The following TMEM156 variants were observed in gnomAD, a reference collection of about 807,000 sequenced individuals.
TMEM156 encodes the protein transmembrane protein 156.
TMEM156 carries 28 observed loss-of-function variants against 30.5 expected under a neutral mutation model. The ratio of observed to expected loss-of-function variants is 0.92; its 90% CI spans 0.68 to 1.26. The LOEUF is 1.26. Among genes scored for constraint, TMEM156 ranks in the 50% most tolerant of loss-of-function variants. TMEM156 has a pLI of 0.00. For missense variants in TMEM156, 351 were observed against 340.6 expected (o/e 1.03, Z -0.24); for synonymous variants, 137 against 119.9 (o/e 1.14, Z -0.93).
intron 4 of TMEM156, among the ~76,000 whole-genome samples, chr4:38,987,551 C>T (rs1712091755): frequency 1.3e-5 from 2 of 152,190 alleles, no homozygotes; most frequent in South Asian, 2.1e-4. Flanking sequence ...TGGAGGCAAC[C>T]ACTTGTTCTG....
At chr4:38,975,376 TTTCTTTTC>T (rs1204985331) in intron 5 of TMEM156, among the ~76,000 whole-genome samples, 4 of 130,076 alleles carry the variant, frequency 3.1e-5, no homozygotes, top group African/African-American at 6.6e-5. Flanking sequence ...TCTTTTCTTT[TTTCTTTTC>T]TTTTTTTTTT....
At chr4:39,000,692 G>A (rs576162751) in intron 1 of TMEM156, among the ~76,000 whole-genome samples, 1 of 152,110 alleles carries the variant, frequency 6.6e-6, no homozygotes, top group South Asian at 2.1e-4. Flanking sequence ...TTCGAGACCA[G>A]CCTGGCCAAC....
At chr4:38,976,543 A>G (rs1352449233) in intron 5 of TMEM156, among the ~76,000 whole-genome samples, 3 of 152,180 alleles carry the variant, frequency 2.0e-5, no homozygotes, top group Non-Finnish European at 4.4e-5. Context: ...GACCCTAAGC[A>G]GAAGATCCGG....
At chr4:39,011,366 T>G (rs540606255) in intron 1 of TMEM156, among the ~76,000 whole-genome samples, 17 of 152,220 alleles carry the variant, frequency 1.1e-4, no homozygotes, top group Admixed American at 3.3e-4. Context: ...GAAAATAGAA[T>G]TGTCATTTGA....
chr4:39,005,079 G>A (rs531130112), intron 1 of TMEM156, among the ~76,000 whole-genome samples: 3 of 152,166 alleles, frequency 2.0e-5, no homozygotes, highest in Non-Finnish European at 2.9e-5. Context: ...AAGCAACAGC[G>A]TGGATGAATC....
At chr4:38,990,863 T>C (rs1472074146) in intron 3 of TMEM156, among the ~76,000 whole-genome samples, 2 of 103,680 alleles carry the variant, frequency 1.9e-5, no homozygotes, top group African/African-American at 8.6e-5. Context: ...TGAGAGGGAG[T>C]CTCACTGTCA....
intron 4 of TMEM156, among the ~76,000 whole-genome samples, chr4:38,986,681 G>A (rs1443357175): frequency 6.6e-6 from 1 of 151,284 alleles, no homozygotes; most frequent in Non-Finnish European, 1.5e-5. Context: ...GGTGGTGCAT[G>A]CCTGTAGTCC....
chr4:38,976,424 C>CCCT (rs1328494791), intron 5 of TMEM156, among the ~76,000 whole-genome samples: 8 of 152,106 alleles, frequency 5.3e-5, no homozygotes, highest in Non-Finnish European at 1.5e-5. Context: ...GATGCCAAGG[C>CCCT]CCTCCGTACA....
chr4:39,031,227 A>G (rs1337458250), intron 1 of TMEM156, among the ~76,000 whole-genome samples: 2 of 152,202 alleles, frequency 1.3e-5, no homozygotes, highest in Admixed American at 6.5e-5. Flanking sequence ...AGGGAGCACA[A>G]TTACCATTTG....
intron 6 of TMEM156, 72 bp downstream of exon 6, chr4:38,970,960 G>T: frequency 1.0e-6 from 1 of 964,886 alleles, no homozygotes; most frequent in East Asian, 2.6e-5. Context: ...ATGGAGTTTG[G>T]GATCAACTGT....
intron 6 of TMEM156, among the ~76,000 whole-genome samples, chr4:38,969,028 C>T (rs1426693558): frequency 6.6e-6 from 1 of 152,150 alleles, no homozygotes; most frequent in Non-Finnish European, 1.5e-5. Context: ...TACCTGTTAA[C>T]TTTTGTTCTA....
At chr4:38,972,987 T>C (rs1220733974) in intron 5 of TMEM156, among the ~76,000 whole-genome samples, 1 of 152,226 alleles carries the variant, frequency 6.6e-6, no homozygotes, top group Non-Finnish European at 1.5e-5. Flanking sequence ...AAGACCAATT[T>C]TGCAGTTATA....
intron 1 of TMEM156, among the ~76,000 whole-genome samples, chr4:39,020,633 C>G (rs1215219835): frequency 6.6e-6 from 1 of 152,100 alleles, no homozygotes; most frequent in Admixed American, 6.6e-5. Context: ...CTCACTGCAA[C>G]CTCCACCTCC....
chr4:38,999,448 T>G (rs1713183539), intron 1 of TMEM156, among the ~76,000 whole-genome samples: 1 of 149,330 alleles, frequency 6.7e-6, no homozygotes, highest in South Asian at 2.1e-4. Context: ...GAATTTTTTA[T>G]GGACAAACCT....
intron 5 of TMEM156, among the ~76,000 whole-genome samples, chr4:38,982,142 G>A (rs1165986666): frequency 2.0e-5 from 3 of 152,138 alleles, no homozygotes; most frequent in African/African-American, 4.8e-5. Context: ...AGAAGAACCT[G>A]GAAAGATTAG....
intron 1 of TMEM156, among the ~76,000 whole-genome samples, chr4:39,015,196 T>C (rs1714397728): frequency 6.6e-6 from 1 of 152,228 alleles, no homozygotes; most frequent in Non-Finnish European, 1.5e-5. Flanking sequence ...TTTTTTATTA[T>C]TCAGTTTTGG....
At chr4:39,016,953 A>G (rs141140831) in intron 1 of TMEM156, among the ~76,000 whole-genome samples, 17 of 152,262 alleles carry the variant, frequency 1.1e-4, no homozygotes, top group African/African-American at 4.1e-4. Flanking sequence ...GATGTCTTAC[A>G]TGGTGGCAGG....
intron 3 of TMEM156, among the ~76,000 whole-genome samples, chr4:38,990,899 T>C (rs1712402933): frequency 7.3e-6 from 1 of 136,070 alleles, no homozygotes; most frequent in Non-Finnish European, 1.5e-5. Flanking sequence ...GGTGGTGCGA[T>C]CTCGGCTCAC....
intron 3 of TMEM156, among the ~76,000 whole-genome samples, chr4:38,992,445 T>C (rs1471663269): frequency 6.6e-6 from 1 of 151,832 alleles, no homozygotes; most frequent in Non-Finnish European, 1.5e-5. Flanking sequence ...ATAGGGTAAC[T>C]AGGAAGTTAA....
Sources: gnomAD v4.1 joint callset for allele counts (sites outside exome capture counted in the v4.1 genomes callset) on GRCh38, gnomAD v4.1.1 for gene constraint, MANE v1.5 for transcripts, NCBI Gene and HGNC (gene_info 2026-07-23, HGNC 2026-07-21) for gene names.